The following OPCML variants were observed in gnomAD, a reference collection of about 807,000 sequenced individuals.
OPCML encodes opioid-binding protein/cell adhesion molecule.
A neutral mutation model predicts 37.8 loss-of-function variants in OPCML; 13 were observed. The observed-to-expected ratio is 0.34, with a 90% CI of 0.22 to 0.55. OPCML has a LOEUF of 0.55. OPCML is among the 20% of genes least tolerant of loss of function. The pLI is 0.91. For missense variants in OPCML, 341 were observed against 435.6 expected (o/e 0.78, Z 1.93); for synonymous variants, 176 against 168.8 (o/e 1.04, Z -0.33).
chr11:133,499,113 T>G (rs1947849426), intron 1 of OPCML, among the ~76,000 whole-genome samples: 1 of 152,192 alleles, frequency 6.6e-6, no homozygotes, highest in Non-Finnish European at 1.5e-5. Context: ...CAATGCTCCC[T>G]GTCCACTGAG....
At chr11:133,119,368 AG>A (rs1438725775) in intron 1 of OPCML, among the ~76,000 whole-genome samples, 1 of 149,442 alleles carries the variant, frequency 6.7e-6, no homozygotes, top group African/African-American at 2.5e-5. Context: ...CTATTTCAGA[AG>A]GGCCTTCTGT....
intron 1 of OPCML, among the ~76,000 whole-genome samples, chr11:133,180,396 T>C (rs1168848980): frequency 6.6e-6 from 1 of 152,100 alleles, no homozygotes; most frequent in Non-Finnish European, 1.5e-5. Context: ...GTGGATGAAC[T>C]CTCACTTCCT....
At chr11:133,155,748 A>G (rs1780930964) in intron 1 of OPCML, among the ~76,000 whole-genome samples, 1 of 152,032 alleles carries the variant, frequency 6.6e-6, no homozygotes, top group African/African-American at 2.4e-5. Flanking sequence ...TTACACCTAC[A>G]TCTCCTCTCT....
chr11:133,475,664 A>G, intron 1 of OPCML, among the ~76,000 whole-genome samples: 1 of 152,210 alleles, frequency 6.6e-6, no homozygotes, highest in Non-Finnish European at 1.5e-5. Flanking sequence ...GGTTGAGAAA[A>G]TAAGAGAGAC....
At chr11:132,720,594 C>T (rs1591514508) in intron 2 of OPCML, among the ~76,000 whole-genome samples, 1 of 152,244 alleles carries the variant, frequency 6.6e-6, no homozygotes, top group Non-Finnish European at 1.5e-5. Flanking sequence ...ACCTCATCAG[C>T]ATATATATAT....
chr11:133,398,798 A>G (rs987569022), intron 1 of OPCML, among the ~76,000 whole-genome samples: 2 of 152,076 alleles, frequency 1.3e-5, no homozygotes, highest in African/African-American at 4.8e-5. Flanking sequence ...AAAAAATGCA[A>G]ACACCAACCA....
chr11:132,427,491 C>G (rs927439786), intron 7 of OPCML, among the ~76,000 whole-genome samples: 2 of 152,164 alleles, frequency 1.3e-5, no homozygotes, highest in Non-Finnish European at 2.9e-5. Flanking sequence ...GCAAACGTGG[C>G]GCTGTGTTGT....
chr11:132,627,201 A>G (rs140301161), intron 3 of OPCML, among the ~76,000 whole-genome samples: 2,178 of 152,276 alleles, frequency 0.014, 53 homozygotes, highest in African/African-American at 0.044. Flanking sequence ...TCATTATGAA[A>G]GTGATATGAA....
intron 1 of OPCML, among the ~76,000 whole-genome samples, chr11:133,239,857 G>T (rs1332986957): frequency 6.6e-6 from 1 of 152,126 alleles, no homozygotes; most frequent in African/African-American, 2.4e-5. Flanking sequence ...ACCAGGTAGG[G>T]GCTGGGTGTG....
intron 1 of OPCML, chr11:133,026,605 C>T (rs749146706): frequency 1.9e-5 from 19 of 983,814 alleles, no homozygotes; most frequent in Non-Finnish European, 2.2e-5. Flanking sequence ...TAATGTCCCA[C>T]ATTTTCATAG....
At chr11:133,431,079 T>C (rs1946106141) in intron 1 of OPCML, among the ~76,000 whole-genome samples, 1 of 152,206 alleles carries the variant, frequency 6.6e-6, no homozygotes, top group African/African-American at 2.4e-5. Context: ...TGCTTAAAAT[T>C]AACACAAACT....
intron 2 of OPCML, among the ~76,000 whole-genome samples, chr11:132,721,630 G>A (rs1444534663): frequency 6.6e-6 from 1 of 152,180 alleles, no homozygotes; most frequent in Non-Finnish European, 1.5e-5. Context: ...AGAGGAAGAA[G>A]GATAAATGCA....
chr11:133,137,439 C>T (rs1314812831), intron 1 of OPCML, among the ~76,000 whole-genome samples: 3 of 152,268 alleles, frequency 2.0e-5, no homozygotes, highest in East Asian at 3.9e-4. Context: ...ATATTACTTG[C>T]CATGTGTCTG....
chr11:132,552,761 C>CCCTTTTTTTTTTTTTTT (rs1337627753), intron 3 of OPCML, among the ~76,000 whole-genome samples: 4 of 67,478 alleles, frequency 5.9e-5, no homozygotes, highest in African/African-American at 4.3e-4. Context: ...TTAAACACTA[C>CCCTTTTTTTTTTTTTTT]TCTTTTTTTT....
intron 1 of OPCML, among the ~76,000 whole-genome samples, chr11:133,345,703 G>A (rs1433328689): frequency 6.6e-6 from 1 of 152,206 alleles, no homozygotes; most frequent in African/African-American, 2.4e-5. Context: ...GCCGTAGAGA[G>A]CAAATTTAAT....
intron 2 of OPCML, among the ~76,000 whole-genome samples, chr11:132,869,871 C>T (rs191976745): frequency 7.7e-4 from 117 of 152,254 alleles, no homozygotes; most frequent in Non-Finnish European, 1.4e-3. Flanking sequence ...CTCTCCTGAG[C>T]ACAGATGCAC....
chr11:132,629,087 T>C (rs1055163646), intron 3 of OPCML, among the ~76,000 whole-genome samples: 5 of 152,148 alleles, frequency 3.3e-5, no homozygotes, highest in African/African-American at 1.2e-4. Context: ...CTGCTTGCCC[T>C]GCCCTGCTCT....
In OPCML at chr11:132,471,728, T is replaced by C. The variant is rs75126617; in HGVS notation, c.506-34369A>G. Reference sequence around the variant, plus strand: ...GAGTTGAGAATCATTCATGACCATCTTGGAGGCTGTCAACCACACCCACTC... The same window carrying C: ...GAGTTGAGAATCATTCATGACCATCCTGGAGGCTGTCAACCACACCCACTC... On this transcript the variant is annotated intron_variant, in intron 4 of 7. Coordinates refer to ENST00000524381, the MANE Select transcript of OPCML (RefSeq NM_001012393.5). Among the ~76,000 whole-genome samples, 7 of 152,318 alleles carry C rather than the reference T, an allele frequency of 4.6e-5. No homozygotes were observed. The East Asian group carries it at 1.4e-3, about 29-fold the overall frequency.
intron 1 of OPCML, chr11:133,419,514 A>T (rs1415643677): frequency 5.7e-6 from 1 of 174,814 alleles, no homozygotes; most frequent in Non-Finnish European, 1.1e-5. Context: ...AAAAGCCATT[A>T]CTTTCAAATT....
Sources: allele counts gnomAD v4.1 joint callset (sites outside exome capture counted in the v4.1 genomes callset), GRCh38; gene constraint gnomAD v4.1.1; transcripts MANE v1.5; gene names NCBI Gene and HGNC (gene_info 2026-07-23, HGNC 2026-07-21).